GPC5: variants seen among roughly 807,000 people sequenced by gnomAD.
The protein encoded by GPC5 is glypican-5.
GPC5 carries 47 observed loss-of-function variants against 53.9 expected under a neutral mutation model. The ratio of observed to expected loss-of-function variants is 0.87; its 90% confidence interval spans 0.69 to 1.11. GPC5 has a LOEUF of 1.11. GPC5 is among the 50% of genes most tolerant of loss of function. The pLI is 0.00. For synonymous variants in GPC5, 286 were observed against 263.3 expected, an observed-to-expected ratio of 1.09 and a Z score of -0.84; for missense variants, 748 against 713.1, an observed-to-expected ratio of 1.05 and a Z score of -0.56.
chr13:92,554,523 T>C (rs1350832257), intron 7 of GPC5, among the ~76,000 whole-genome samples: 1 of 151,428 alleles, frequency 6.6e-6, no homozygotes, highest in Non-Finnish European at 1.5e-5. Flanking sequence ...TAATCCAATA[T>C]AATTAAATGT....
chr13:91,667,429 A>C (rs1425017174), intron 2 of GPC5, among the ~76,000 whole-genome samples: 1 of 152,156 alleles, frequency 6.6e-6, no homozygotes, highest in Non-Finnish European at 1.5e-5. Flanking sequence ...TTGTAAAAGG[A>C]GGAAGCATGG....
Position 92,708,857 on chromosome 13 carries a change from C to CTTTTTTTT in GPC5, c.1562-157389_1562-157382dup, listed in dbSNP as rs752130758. ...CTAGCAGCATCTAGCTGGAAACCGC[C>CTTTTTTTT]TTTTTTTTTTTTTTTTTTTTTTTTT... On this transcript the variant is annotated intron_variant, in intron 7 of 7. Coordinates refer to ENST00000377067, the MANE Select transcript of GPC5 (RefSeq NM_004466.6). Among the ~76,000 whole-genome samples the CTTTTTTTT allele has an allele frequency of 8.0e-3, 385 of 48,188 alleles. 137 individuals carry two copies. The highest frequency in any genetic ancestry group is 0.013 in the Non-Finnish European group (319 of 24,286). 31.6% of individuals were successfully genotyped at this position (48,188 alleles called of 152,430 possible).
At chr13:92,631,263 A>G (rs1400819152) in intron 7 of GPC5, among the ~76,000 whole-genome samples, 2 of 152,186 alleles carry the variant, frequency 1.3e-5, no homozygotes, top group Non-Finnish European at 2.9e-5. Context: ...AAAAAATAAC[A>G]GTAGAAGCCT....
intron 7 of GPC5, among the ~76,000 whole-genome samples, chr13:92,163,686 T>C (rs1210106564): frequency 6.6e-6 from 1 of 152,156 alleles, no homozygotes; most frequent in Non-Finnish European, 1.5e-5. Flanking sequence ...GCAAAACTTG[T>C]TCAAGTTCAG....
intron 2 of GPC5, among the ~76,000 whole-genome samples, chr13:91,596,899 C>T (rs2033014438): frequency 6.6e-6 from 1 of 152,158 alleles, no homozygotes; most frequent in South Asian, 2.1e-4. Flanking sequence ...GATCAATATT[C>T]TGGTGAATAC....
intron 6 of GPC5, among the ~76,000 whole-genome samples, chr13:92,118,216 C>T (rs1469258695): frequency 3.3e-5 from 5 of 152,056 alleles, no homozygotes; most frequent in African/African-American, 1.2e-4. Context: ...TACTGAATGA[C>T]GTTTGTTTTT....
At chr13:91,987,861 T>C (rs1355361718) in intron 6 of GPC5, among the ~76,000 whole-genome samples, 5 of 145,648 alleles carry the variant, frequency 3.4e-5, no homozygotes, top group Admixed American at 7.0e-5. Flanking sequence ...TTATATATAT[T>C]ATTTTATATT....
intron 7 of GPC5, among the ~76,000 whole-genome samples, chr13:92,661,166 G>A (rs1349838512): frequency 6.6e-6 from 1 of 151,822 alleles, no homozygotes. Flanking sequence ...GTGGTGGTGT[G>A]CGCATACACT....
intron 2 of GPC5, among the ~76,000 whole-genome samples, chr13:91,563,951 TGTAACTAGA>T (rs1238648410): frequency 1.3e-5 from 2 of 152,162 alleles, no homozygotes; most frequent in Non-Finnish European, 2.9e-5. Flanking sequence ...CTAGTGCCTC[TGTAACTAGA>T]GTTGGAAGTG....
At chr13:91,551,699 T>A (rs2030649866) in intron 2 of GPC5, among the ~76,000 whole-genome samples, 1 of 152,108 alleles carries the variant, frequency 6.6e-6, no homozygotes, top group Non-Finnish European at 1.5e-5. Context: ...TTCTTTTCTG[T>A]TTGTTCTGCA....
intron 6 of GPC5, among the ~76,000 whole-genome samples, chr13:91,968,427 T>A (rs976767912): frequency 6.6e-6 from 1 of 152,120 alleles, no homozygotes; most frequent in African/African-American, 2.4e-5. Flanking sequence ...TAATATATGT[T>A]TCAAAATGTG....
chr13:91,525,395 G>A (rs529077064), intron 2 of GPC5, among the ~76,000 whole-genome samples: 2 of 152,234 alleles, frequency 1.3e-5, no homozygotes, highest in South Asian at 4.1e-4. Context: ...CCACTGCTTA[G>A]GTTATATATT....
intron 2 of GPC5, among the ~76,000 whole-genome samples, chr13:91,689,280 A>C (rs970171525): frequency 2.1e-5 from 3 of 144,068 alleles, no homozygotes; most frequent in Admixed American, 7.0e-5. Flanking sequence ...GTACACCTGC[A>C]TAGGGCACAT....
At chr13:91,951,191 C>G (rs2040022812) in intron 6 of GPC5, among the ~76,000 whole-genome samples, 1 of 152,092 alleles carries the variant, frequency 6.6e-6, no homozygotes, top group South Asian at 2.1e-4. Context: ...AATAAACATG[C>G]AACAATTTTA....
intron 2 of GPC5, among the ~76,000 whole-genome samples, chr13:91,685,816 T>G (rs896779531): frequency 1.3e-5 from 2 of 152,026 alleles, no homozygotes; most frequent in African/African-American, 4.8e-5. Context: ...ATAGAACATC[T>G]CATTCTCTTG....
intron 6 of GPC5, among the ~76,000 whole-genome samples, chr13:91,973,341 C>T (rs139162833): frequency 0.024 from 3,597 of 152,272 alleles, 143 homozygotes; most frequent in African/African-American, 0.082. Context: ...GACTTCTCTG[C>T]ATTAGTTATT....
intron 7 of GPC5, among the ~76,000 whole-genome samples, chr13:92,292,110 C>A (rs1183311588): frequency 6.6e-6 from 1 of 152,226 alleles, no homozygotes; most frequent in Non-Finnish European, 1.5e-5. Flanking sequence ...GTTGGTTCCA[C>A]ATTTTTGCAA....
intron 7 of GPC5, among the ~76,000 whole-genome samples, chr13:92,596,998 C>T (rs561949463): frequency 1.1e-3 from 160 of 152,202 alleles, no homozygotes; most frequent in African/African-American, 3.8e-3. Context: ...CAAGTTCTTC[C>T]GTTGTTTGTT....
At chr13:91,908,258 G>A (rs1440358260) in intron 6 of GPC5, among the ~76,000 whole-genome samples, 1 of 151,996 alleles carries the variant, frequency 6.6e-6, no homozygotes, top group East Asian at 1.9e-4. Flanking sequence ...TTTTAATACT[G>A]GACAATCTGT....
Sources: allele counts gnomAD v4.1 joint callset (sites outside exome capture counted in the v4.1 genomes callset), GRCh38; gene constraint gnomAD v4.1.1; transcripts MANE v1.5; gene names NCBI Gene and HGNC (gene_info 2026-07-23, HGNC 2026-07-21).